CAMTA1: variants seen among roughly 807,000 people sequenced by gnomAD.
CAMTA1 encodes the protein calmodulin-binding transcription activator 1.
A neutral mutation model predicts 170.9 loss-of-function variants in CAMTA1; 27 were observed. The ratio of observed to expected loss-of-function variants is 0.16; its 90% CI spans 0.12 to 0.22. The LOEUF (loss-of-function observed/expected upper bound fraction) is 0.22, where lower values mean the gene tolerates loss of function less well. Among genes scored for constraint, CAMTA1 ranks in the 10% least tolerant of loss-of-function variants. The probability of loss-of-function intolerance (pLI) is 1.00; values close to 1 mark genes in which losing one functional copy is unlikely to be tolerated. For synonymous variants in CAMTA1, 833 were observed against 891.5 expected (o/e 0.93, Z 1.17); for missense variants, 1,619 against 2,217.2 (o/e 0.73, Z 5.42).
intron 3 of CAMTA1, among the ~76,000 whole-genome samples, chr1:6,973,616 A>G (rs1321152985): frequency 6.6e-6 from 1 of 152,160 alleles, no homozygotes; most frequent in Non-Finnish European, 1.5e-5. Flanking sequence ...TGAGATTCAG[A>G]TATGACTTGT....
chr1:6,917,841 C>T (rs1681157082), intron 3 of CAMTA1, among the ~76,000 whole-genome samples: 1 of 85,220 alleles, frequency 1.2e-5, no homozygotes, highest in Non-Finnish European at 2.8e-5. Context: ...GAAGCAAAAC[C>T]CATCGGGGGC....
intron 1 of CAMTA1, among the ~76,000 whole-genome samples, chr1:6,793,299 A>G (rs1245333096): frequency 2.0e-5 from 3 of 152,228 alleles, no homozygotes; most frequent in Admixed American, 6.5e-5. Flanking sequence ...CAGACCATGC[A>G]GTATCTCTTC....
At chr1:6,866,056 C>T (rs148005557) in intron 3 of CAMTA1, among the ~76,000 whole-genome samples, 321 of 152,310 alleles carry the variant, frequency 2.1e-3, no homozygotes, top group African/African-American at 7.5e-3. Context: ...GCAGCTTTGA[C>T]ATCTGTGACT....
intron 22 of CAMTA1, among the ~76,000 whole-genome samples, chr1:7,758,723 C>G (rs1015629842): frequency 6.6e-6 from 1 of 151,956 alleles, no homozygotes; most frequent in Non-Finnish European, 1.5e-5. Context: ...ATCACGAGGT[C>G]AGGAGATCGA....
chr1:7,001,677 A>G (rs1189032675), intron 3 of CAMTA1, among the ~76,000 whole-genome samples: 1 of 152,098 alleles, frequency 6.6e-6, no homozygotes, highest in African/African-American at 2.4e-5. Flanking sequence ...CACCTTTGTC[A>G]TCCTTTTGGG....
At position 7,263,906 on chromosome 1, in the gene CAMTA1, T is replaced by C. The variant is rs557681344; in HGVS notation, c.438+14280T>C. On this transcript the variant is annotated intron_variant, in intron 5 of 22. Transcript: ENST00000303635. ...TAATTCATTTTGCTTAATTATACTT[T>C]CTTGAATTTTTAATGCTCCTAATAT... Among the ~76,000 whole-genome samples the C allele has an allele frequency of 4.6e-5, 7 of 152,368 alleles. No individual in the cohort carries two copies. The East Asian group carries it at 5.8e-4, about 13-fold the overall frequency.
At chr1:7,241,592 A>G (rs974191686) in intron 4 of CAMTA1, among the ~76,000 whole-genome samples, 1 of 152,264 alleles carries the variant, frequency 6.6e-6, no homozygotes, top group African/African-American at 2.4e-5. Context: ...TATTGGCATA[A>G]AAATAGACAA....
At chr1:6,869,397 C>T (rs1667736843) in intron 3 of CAMTA1, among the ~76,000 whole-genome samples, 1 of 152,202 alleles carries the variant, frequency 6.6e-6, no homozygotes, top group South Asian at 2.1e-4. Flanking sequence ...TTCCTCTTTA[C>T]AGCATTATTT....
At chr1:7,199,286 C>T (rs902155766) in intron 4 of CAMTA1, among the ~76,000 whole-genome samples, 1 of 152,232 alleles carries the variant, frequency 6.6e-6, no homozygotes, top group Admixed American at 6.5e-5. Flanking sequence ...AAGCAAGCTG[C>T]GCTCAGCGGG....
intron 6 of CAMTA1, among the ~76,000 whole-genome samples, chr1:7,566,130 GA>G (rs1259419662): frequency 6.6e-6 from 1 of 152,012 alleles, no homozygotes; most frequent in Non-Finnish European, 1.5e-5. Context: ...AATCACTTTG[GA>G]AAAAAAGATG....
chr1:6,907,366 C>CCCCCTCCTGCCCTCCCCCCGCTGT (rs1678739625), intron 3 of CAMTA1, among the ~76,000 whole-genome samples: 1 of 152,118 alleles, frequency 6.6e-6, no homozygotes, highest in African/African-American at 2.4e-5. Context: ...TCTCCCGGCG[C>CCCCCTCCTGCCCTCCCCCCGCTGT]CCCCTCCTGC....
At chr1:6,883,690 A>T (rs1225668970) in intron 3 of CAMTA1, among the ~76,000 whole-genome samples, 2 of 152,074 alleles carry the variant, frequency 1.3e-5, no homozygotes, top group African/African-American at 4.8e-5. Flanking sequence ...GAGTTGGGAT[A>T]GTCGAAGAGT....
At chr1:7,373,375 C>T (rs2086622243) in intron 5 of CAMTA1, among the ~76,000 whole-genome samples, 1 of 152,214 alleles carries the variant, frequency 6.6e-6, no homozygotes, top group Non-Finnish European at 1.5e-5. Flanking sequence ...TCCCCCAGCC[C>T]CAGGGAGCCC....
intron 3 of CAMTA1, among the ~76,000 whole-genome samples, chr1:6,881,202 C>T (rs1406696366): frequency 6.6e-6 from 1 of 152,136 alleles, no homozygotes; most frequent in Non-Finnish European, 1.5e-5. Flanking sequence ...TAAAAAACTG[C>T]CCAATCTGTT....
intron 11 of CAMTA1, among the ~76,000 whole-genome samples, chr1:7,722,164 T>C (rs552515969): frequency 5.9e-5 from 9 of 152,312 alleles, no homozygotes; most frequent in African/African-American, 1.7e-4. Context: ...TTCTCCACTT[T>C]TACAGCAGCA....
At chr1:7,720,297 A>G (rs996229951) in intron 11 of CAMTA1, among the ~76,000 whole-genome samples, 22 of 152,352 alleles carry the variant, frequency 1.4e-4, no homozygotes, top group African/African-American at 5.0e-4. Flanking sequence ...GGGCGCTGCC[A>G]GTCATTTGTA....
intron 6 of CAMTA1, among the ~76,000 whole-genome samples, chr1:7,627,008 A>G (rs2095638231): frequency 6.6e-6 from 1 of 152,206 alleles, no homozygotes; most frequent in African/African-American, 2.4e-5. Flanking sequence ...TGATGCCTGT[A>G]TCATCTGGAT....
At position 6,861,698 on chromosome 1, in the gene CAMTA1, T is replaced by C. The variant is rs1366632120; in HGVS notation, c.234+36488T>C. Among the ~76,000 whole-genome samples, 8 of 152,220 alleles carry C rather than the reference T, an allele frequency of 5.3e-5. 1 individual carries two copies. The highest frequency in any genetic ancestry group is 5.2e-4 in the Admixed American group (8 of 15,282). On this transcript the variant is annotated intron_variant, in intron 3 of 22. Coordinates refer to ENST00000303635, the MANE Select transcript of CAMTA1 (RefSeq NM_015215.4). ...GTAGCTTGATATGGATTGGCCAAAC[T>C]GCTTTAAAAAATTTTTAATTGTGGT...
rs184268125 is a variant in CAMTA1, at chr1:7,741,646, G to A, written c.4182+3164G>A. ...GCGGTGGCTCATGCCTGTATTCTTA[G>A]CATTTTGGGAGGCCAAGGTGGGAGG... On this transcript the variant is annotated intron_variant, in intron 16 of 22. Coordinates refer to ENST00000303635, the MANE Select transcript of CAMTA1 (RefSeq NM_015215.4). Among the ~76,000 whole-genome samples, 5 of 152,196 alleles carry A rather than the reference G, an allele frequency of 3.3e-5. No individual in the cohort carries two copies. In the East Asian group the frequency reaches 9.6e-4, roughly 29 times the overall value.
Sources: allele counts gnomAD v4.1 joint callset (sites outside exome capture counted in the v4.1 genomes callset), GRCh38; gene constraint gnomAD v4.1.1; transcripts MANE v1.5; gene names NCBI Gene and HGNC (gene_info 2026-07-23, HGNC 2026-07-21).